The following TACC2 variants were observed in gnomAD, a reference collection of about 807,000 sequenced individuals.
TACC2 encodes transforming acidic coiled-coil containing protein 2.
A neutral mutation model predicts 227.3 loss-of-function variants in TACC2; 137 were observed. The observed-to-expected ratio is 0.60, with a 90% CI of 0.52 to 0.69. TACC2 has a LOEUF of 0.69. Ranked by LOEUF, TACC2 falls within the 30% of genes least tolerant of loss-of-function variation. The pLI is 0.00. For missense variants in TACC2, 3,470 were observed against 3,694.4 expected (o/e 0.94, Z 1.57); for synonymous variants, 1,523 against 1,487.5 (o/e 1.02, Z -0.55).
intron 2 of TACC2, among the ~76,000 whole-genome samples, chr10:122,030,096 C>G (rs11200352): frequency 0.07 from 10,601 of 152,176 alleles, 533 homozygotes; most frequent in African/African-American, 0.13. Flanking sequence ...AAAGAATTAT[C>G]CAGCACAAAA....
intron 5 of TACC2, among the ~76,000 whole-genome samples, chr10:122,115,439 G>T (rs2084508455): frequency 6.6e-6 from 1 of 152,142 alleles, no homozygotes; most frequent in African/African-American, 2.4e-5. Context: ...GGAGGGAACT[G>T]CTATTAGGAG....
chr10:122,029,866 T>C (rs1461653019), intron 2 of TACC2, among the ~76,000 whole-genome samples: 4 of 112,266 alleles, frequency 3.6e-5, no homozygotes, highest in Non-Finnish European at 6.7e-5. Context: ...GACCTCAAGC[T>C]CCCTGCAGGC....
intron 2 of TACC2, among the ~76,000 whole-genome samples, chr10:122,046,421 C>T (rs1275821394): frequency 6.6e-6 from 1 of 151,984 alleles, no homozygotes; most frequent in African/African-American, 2.4e-5. Context: ...TTACAGTGAG[C>T]CAAGATCTCG....
At chr10:122,207,390 A>G (rs760469466) in intron 8 of TACC2, among the ~76,000 whole-genome samples, 1 of 152,166 alleles carries the variant, frequency 6.6e-6, no homozygotes, top group Non-Finnish European at 1.5e-5. Context: ...CCCGTGGAGC[A>G]GCCTGCTCTG....
chr10:121,999,443 A>T (rs974103014), intron 1 of TACC2, among the ~76,000 whole-genome samples: 1 of 152,262 alleles, frequency 6.6e-6, no homozygotes, highest in African/African-American at 2.4e-5. Flanking sequence ...TTTGCATCTC[A>T]TATTTCATAG....
At chr10:121,991,528 T>A (rs1953026116) in intron 1 of TACC2, among the ~76,000 whole-genome samples, 1 of 152,228 alleles carries the variant, frequency 6.6e-6, no homozygotes, top group Non-Finnish European at 1.5e-5. Context: ...ATAAGTCTTT[T>A]TTGCTAATTA....
chr10:122,145,812 C>T (rs1024897570), intron 7 of TACC2, among the ~76,000 whole-genome samples: 2 of 152,156 alleles, frequency 1.3e-5, no homozygotes, highest in African/African-American at 4.8e-5. Flanking sequence ...CTATGTCTTT[C>T]TTTCCTGAGG....
intron 7 of TACC2, among the ~76,000 whole-genome samples, chr10:122,186,352 G>C (rs963266832): frequency 6.6e-6 from 1 of 152,066 alleles, no homozygotes; most frequent in African/African-American, 2.4e-5. Flanking sequence ...GACCAGCAGG[G>C]TGTAGTGGCA....
Position 122,249,237 on chromosome 10 carries a change from G to A in TACC2, c.8660+81G>A, listed in dbSNP as rs545340456. ...CAGGCAGGCTGGGACCTCTGGCAGCGCCTGTGACATTGGCTTGGAAAGGGG... is the reference window on the plus strand; with the variant it reads ...CAGGCAGGCTGGGACCTCTGGCAGCACCTGTGACATTGGCTTGGAAAGGGG... On this transcript the variant is annotated intron_variant, in intron 21 of 22. Transcript: ENST00000369005. 1.3e-4 allele frequency: 138 copies of A among 1,057,626 alleles called. No individual in the cohort carries two copies. In the African/African-American group the frequency reaches 1.9e-3, roughly 15 times the overall value. The allele number at this position is 1,057,626 out of a possible 1,614,324, so 65.5% of individuals were successfully genotyped here.
intron 7 of TACC2, among the ~76,000 whole-genome samples, chr10:122,147,292 C>T (rs1297814862): frequency 6.6e-6 from 1 of 152,118 alleles, no homozygotes; most frequent in Admixed American, 6.6e-5. Context: ...TTACAGGCTC[C>T]CGCCACTACG....
intron 3 of TACC2, among the ~76,000 whole-genome samples, chr10:122,053,661 C>G (rs537139774): frequency 1.0e-3 from 152 of 152,244 alleles, no homozygotes; most frequent in Non-Finnish European, 1.6e-3. Flanking sequence ...CCTCGAGCAC[C>G]CTCCCTGCTC....
At chr10:122,248,616 C>G (rs562871549) in intron 19 of TACC2, 27 bp from the exon 20 acceptor site, 45 of 1,611,912 alleles carry the variant, frequency 2.8e-5, no homozygotes, top group Middle Eastern at 2.2e-4. Context: ...TGGGCTCCAT[C>G]ATTTGGCTCC....
At chr10:122,021,348 A>ATC (rs1309091740) in intron 1 of TACC2, among the ~76,000 whole-genome samples, 3 of 152,190 alleles carry the variant, frequency 2.0e-5, no homozygotes, top group African/African-American at 7.2e-5. Flanking sequence ...TCTGGTCCCA[A>ATC]TCTCCCATTT....
intron 5 of TACC2, among the ~76,000 whole-genome samples, chr10:122,094,510 C>T (rs1395432184): frequency 2.6e-5 from 4 of 152,162 alleles, no homozygotes; most frequent in African/African-American, 7.2e-5. Flanking sequence ...AACTCCCAGC[C>T]TCAAACAATC....
At chr10:121,994,373 GTTGACACTGGCT>G (rs1953181353) in intron 1 of TACC2, among the ~76,000 whole-genome samples, 1 of 152,216 alleles carries the variant, frequency 6.6e-6, no homozygotes, top group South Asian at 2.1e-4. Context: ...GCCCAAGGTA[GTTGACACTGGCT>G]TCGGATCCCA....
intron 5 of TACC2, among the ~76,000 whole-genome samples, chr10:122,120,231 C>T (rs2085473531): frequency 6.6e-6 from 1 of 152,178 alleles, no homozygotes; most frequent in Non-Finnish European, 1.5e-5. Context: ...CAGAAGCTGC[C>T]CTGCTCCCCC....
rs1374312278 is a variant in TACC2 at position 122,163,505 on chromosome 10, G to T, written c.5834+19799G>T. ...CCCCACCCCCAGCCCCGTTTCCGGA[G>T]CCCGCGATGGAGCTTTGTGAAGATG... On this transcript the variant is annotated intron_variant, in intron 7 of 22. Coordinates refer to ENST00000369005, the MANE Select transcript of TACC2 (RefSeq NM_206862.4). 1.1e-5 allele frequency: 10 copies of T among 945,512 alleles called. No homozygotes were observed. The African/African-American group carries it at 1.6e-4, about 15-fold the overall frequency. The allele number at this position is 945,512 out of a possible 1,614,324, so 58.6% of individuals were successfully genotyped here.
chr10:122,207,880 C>T lies in TACC2; in HGVS notation c.5972-2517C>T, dbSNP rs141653135. 8.3e-4 allele frequency among the ~76,000 whole-genome samples: 127 copies of T among 152,236 alleles called. 1 individual carries two copies. In the East Asian group the frequency reaches 0.011, roughly 13 times the overall value. ...GAGGGTTGGTGTTTGTGGGCCTTGA[C>T]GACGGGATAGGCTGAGGCTCGTGCT... On this transcript the variant is annotated intron_variant, in intron 8 of 22. Coordinates refer to ENST00000369005, the MANE Select transcript of TACC2 (RefSeq NM_206862.4).
chr10:122,233,363 G>C (rs2095795569), intron 16 of TACC2, among the ~76,000 whole-genome samples: 1 of 152,194 alleles, frequency 6.6e-6, no homozygotes, highest in African/African-American at 2.4e-5. Flanking sequence ...CTGGATTGGG[G>C]GACCCAATAT....
Sources: gnomAD v4.1 joint callset for allele counts (sites outside exome capture counted in the v4.1 genomes callset) on GRCh38, gnomAD v4.1.1 for gene constraint, MANE v1.5 for transcripts, NCBI Gene and HGNC (gene_info 2026-07-23, HGNC 2026-07-21) for gene names.